HTT: variants seen among roughly 807,000 people sequenced by gnomAD.
HTT encodes huntingtin.
Under a neutral mutation model 362.3 loss-of-function variants are expected in HTT, and 104 were observed. That is an observed-to-expected ratio of 0.29 (90% CI 0.24 to 0.34). The LOEUF is 0.34. HTT is among the 10% of genes least tolerant of loss of function. The pLI, the probability that HTT is intolerant of heterozygous loss-of-function variation, is 1.00. For synonymous variants in HTT, 1,577 were observed against 1,548.7 expected (o/e 1.02, Z -0.43); for missense variants, 3,301 against 3,928.6 (o/e 0.84, Z 4.27).
chr4:3,115,494 T>G, intron 7 of HTT, 49 bp downstream of exon 7: 1 of 1,452,732 alleles, frequency 6.9e-7, no homozygotes, highest in Non-Finnish European at 9.6e-7. Flanking sequence ...GTACTCAAGA[T>G]AGACCTTTGA....
rs752146857 is a variant in HTT at position 3,105,475 on chromosome 4, C to T, written c.608+39C>T. 3.9e-6 allele frequency: 5 copies of T among 1,268,254 alleles called. No individual in the cohort carries two copies. The East Asian group carries it at 9.2e-5, about 23-fold the overall frequency. 78.6% of individuals were successfully genotyped at this position (1,268,254 alleles called of 1,614,324 possible). On this transcript the variant is annotated intron_variant, in intron 5 of 66. Coordinates refer to ENST00000355072, the MANE Select transcript of HTT (RefSeq NM_001388492.1). Reference sequence around the variant, plus strand: ...TCTGGATGTTGGTTTTTGTCGGGGGCCAGCTGCTACTGATCCTTTATGTCT... The same window carrying T: ...TCTGGATGTTGGTTTTTGTCGGGGGTCAGCTGCTACTGATCCTTTATGTCT...
intron 47 of HTT, 162 bp from the exon 48 acceptor site, chr4:3,211,767 G>A: frequency 1.7e-6 from 1 of 584,246 alleles, no homozygotes; most frequent in Non-Finnish European, 3.0e-6. Context: ...ATTTATAACA[G>A]GCATAGAGTA....
chr4:3,178,158 G>T (rs568905812), intron 34 of HTT, 140 bp from the exon 35 acceptor site: 7 of 653,268 alleles, frequency 1.1e-5, no homozygotes, highest in African/African-American at 9.1e-5. Context: ...GGCAGGGGTG[G>T]GGTTAGAGTA....
intron 60 of HTT, among the ~76,000 whole-genome samples, chr4:3,232,514 C>G (rs10021254): frequency 0.18 from 28,054 of 152,172 alleles, 4,034 homozygotes; most frequent in African/African-American, 0.41. Context: ...GTTTTGGATA[C>G]TAAGTGAAAT....
At chr4:3,221,875 A>G (rs1434695897) in intron 53 of HTT, among the ~76,000 whole-genome samples, 2 of 152,228 alleles carry the variant, frequency 1.3e-5, no homozygotes, top group Non-Finnish European at 2.9e-5. Flanking sequence ...TTGACTTTTA[A>G]ATTTTTAGCA....
At chr4:3,103,222 T>TTA (rs1714248015) in intron 3 of HTT, among the ~76,000 whole-genome samples, 1 of 13,472 alleles carries the variant, frequency 7.4e-5, no homozygotes, top group African/African-American at 5.5e-4. Flanking sequence ...ATATATATAA[T>TTA]TTTTTTTTTT....
At chr4:3,205,393 C>T (rs1218394071) in intron 42 of HTT, among the ~76,000 whole-genome samples, 3 of 152,076 alleles carry the variant, frequency 2.0e-5, no homozygotes, top group Non-Finnish European at 4.4e-5. Context: ...AGGTGTTATC[C>T]TAGAGACTTT....
Position 3,241,892 on chromosome 4 carries a change from T to C in HTT, c.*1833T>C, listed in dbSNP as rs1721817145. ...GCAGGAGCGGTAGAAAGGGGTCCGA[T>C]GTTTGAGGAGGCCCTTAAGGGAAGC... On this transcript the variant is annotated 3_prime_UTR_variant, in exon 67 of 67. Coordinates refer to ENST00000355072, the MANE Select transcript of HTT (RefSeq NM_001388492.1). 6.6e-6 allele frequency: 1 copy of C among 152,136 alleles called. No homozygotes were observed. Among genetic ancestry groups the C allele is most frequent in the Admixed American group, 6.5e-5 (1 of 15,280 alleles). The allele number at this position is 152,136 out of a possible 1,614,324, so 9.4% of individuals were successfully genotyped here. A position where few individuals can be genotyped will look rare whatever the true frequency, so the allele number is the denominator to read the frequency against.
intron 57 of HTT, among the ~76,000 whole-genome samples, chr4:3,227,254 G>A (rs111524241): frequency 6.8e-6 from 1 of 147,908 alleles, no homozygotes; most frequent in African/African-American, 2.5e-5. Context: ...TGCCACCCCT[G>A]CCCTGTCTGG....
intron 49 of HTT, 144 bp downstream of exon 49, chr4:3,212,853 T>C (rs1250323534): frequency 4.7e-6 from 4 of 846,266 alleles, no homozygotes; most frequent in Non-Finnish European, 7.3e-6. Flanking sequence ...GTAAGTCTTG[T>C]CACCGTCAAG....
At chr4:3,134,188 T>C (rs990781651) in intron 18 of HTT, among the ~76,000 whole-genome samples, 1 of 152,232 alleles carries the variant, frequency 6.6e-6, no homozygotes, top group African/African-American at 2.4e-5. Flanking sequence ...GAACCAGTTA[T>C]GTGAAAGGGA....
At position 3,182,289 on chromosome 4, in the gene HTT, C is replaced by T. The variant is rs73073070; in HGVS notation, c.4750-65C>T. 1.6e-3 allele frequency: 1,526 copies of T among 974,552 alleles called. 17 individuals are homozygous for T. The African/African-American group carries it at 0.022, about 14-fold the overall frequency. 60.4% of individuals were successfully genotyped at this position (974,552 alleles called of 1,614,324 possible). A position where few individuals can be genotyped will look rare whatever the true frequency, so the allele number is the denominator to read the frequency against. Reference sequence around the variant, plus strand: ...GCTGAACTGGGACAAGTATAACAGACGGACACGTAGGGGTGGAAAGGCGTC... The same window carrying T: ...GCTGAACTGGGACAAGTATAACAGATGGACACGTAGGGGTGGAAAGGCGTC... On this transcript the variant is annotated intron_variant, in intron 36 of 66. Coordinates refer to ENST00000355072, the MANE Select transcript of HTT (RefSeq NM_001388492.1).
Position 3,225,656 on chromosome 4 carries a change from C to G in HTT, c.7766-5C>G, listed in dbSNP as rs1560602185. ...GATCAAGACTCAGGGTGCTGGTGTTCACAGGTGCCCTCATCAGCCACGAGA... is the reference window on the plus strand; with the variant it reads ...GATCAAGACTCAGGGTGCTGGTGTTGACAGGTGCCCTCATCAGCCACGAGA... On this transcript the variant is annotated splice_region_variant and splice_polypyrimidine_tract_variant and intron_variant, in intron 56 of 66. Transcript: ENST00000355072. 6.2e-7 allele frequency: 1 copy of G among 1,613,522 alleles called. No individual in the cohort carries two copies. The highest frequency in any genetic ancestry group is 1.7e-5 in the Admixed American group (1 of 60,002).
chr4:3,107,525 G>A lies in HTT; in HGVS notation c.747+102G>A, dbSNP rs1714493891. ...AGGGAGTCCTGTGGGAGTGCTTCTT[G>A]GGGTATGTTGTATGTCGTAATTTAG... On this transcript the variant is annotated intron_variant, in intron 6 of 66. Coordinates refer to ENST00000355072, the MANE Select transcript of HTT (RefSeq NM_001388492.1). 6 of 1,179,304 alleles carry A rather than the reference G, an allele frequency of 5.1e-6. No individual in the cohort carries two copies. The South Asian group carries it at 5.5e-5, about 11-fold the overall frequency. 73.1% of individuals were successfully genotyped at this position (1,179,304 alleles called of 1,614,324 possible). A position where few individuals can be genotyped will look rare whatever the true frequency, so the allele number is the denominator to read the frequency against.
chr4:3,205,148 C>A (rs543392144), intron 42 of HTT, among the ~76,000 whole-genome samples: 1 of 151,940 alleles, frequency 6.6e-6, no homozygotes, highest in African/African-American at 2.4e-5. Flanking sequence ...GGAGAATTTA[C>A]AAAAAAACAA....
intron 37 of HTT, among the ~76,000 whole-genome samples, chr4:3,184,030 A>T (rs2110244270): frequency 6.6e-6 from 1 of 152,082 alleles, no homozygotes; most frequent in East Asian, 1.9e-4. Context: ...TAGAAAAGCA[A>T]GTGAGTGAAG....
chr4:3,229,787 G>A, intron 59 of HTT, 100 bp from the exon 60 acceptor site: 1 of 1,256,490 alleles, frequency 8.0e-7, no homozygotes, highest in South Asian at 1.3e-5. Context: ...TGTCTCTTGG[G>A]TGTAAGAACA....
intron 50 of HTT, 73 bp downstream of exon 50, chr4:3,214,208 T>C: frequency 8.3e-7 from 1 of 1,200,788 alleles, no homozygotes; most frequent in Admixed American, 3.5e-5. Context: ...TATTTTGTGC[T>C]GCCTGTTTGC....
At chr4:3,137,142 G>A (rs1188064984) in intron 21 of HTT, among the ~76,000 whole-genome samples, 2 of 151,820 alleles carry the variant, frequency 1.3e-5, no homozygotes, top group Admixed American at 6.6e-5. Flanking sequence ...TTCTGACCCC[G>A]TGATCCACCT....
Sources: allele counts gnomAD v4.1 joint callset (sites outside exome capture counted in the v4.1 genomes callset), GRCh38; gene constraint gnomAD v4.1.1; transcripts MANE v1.5; gene names NCBI Gene and HGNC (gene_info 2026-07-23, HGNC 2026-07-21).